The following CYFIP2 variants were observed in gnomAD, a reference collection of about 807,000 sequenced individuals.
CYFIP2 encodes cytoplasmic FMR1-interacting protein 2.
Under a neutral mutation model 158.7 loss-of-function variants are expected in CYFIP2, and 29 were observed. That is an observed-to-expected ratio of 0.18 (90% CI 0.14 to 0.25). The LOEUF (loss-of-function observed/expected upper bound fraction) is 0.25. CYFIP2 is among the 10% of genes least tolerant of loss of function. CYFIP2 has a pLI of 1.00. For missense variants in CYFIP2, 852 were observed against 1,639.5 expected, an observed-to-expected ratio of 0.52 and a Z score of 8.29; for synonymous variants, 585 against 617.6, an observed-to-expected ratio of 0.95 and a Z score of 0.78.
At chr5:157,286,994 A>G (rs768366793) in intron 2 of CYFIP2, 25 bp from the exon 3 acceptor site, 2 of 1,602,588 alleles carry the variant, frequency 1.2e-6, no homozygotes, top group South Asian at 1.1e-5. Context: ...AACAACCAAA[A>G]TGTTCCTGTC....
rs1222709074 is a variant in CYFIP2, at chr5:157,393,099, G to A, written c.*99G>A. On this transcript the variant is annotated 3_prime_UTR_variant, in exon 31 of 31. Coordinates refer to ENST00000620254, the MANE Select transcript of CYFIP2 (RefSeq NM_001037333.3). ...TAGGATCCAACTGGACAACGTGTGG[G>A]ATGGACCTGGAAACAAGCACCTCCC... The A allele has an allele frequency of 2.8e-6, 4 of 1,414,426 alleles. No individual in the cohort carries two copies. Among genetic ancestry groups the A allele is most frequent in the Middle Eastern group, 2.5e-4 (1 of 4,042 alleles). 87.6% of individuals were successfully genotyped at this position (1,414,426 alleles called of 1,614,324 possible).
At chr5:157,288,300 GT>G (rs1266481360) in intron 3 of CYFIP2, among the ~76,000 whole-genome samples, 2 of 152,260 alleles carry the variant, frequency 1.3e-5, no homozygotes, top group African/African-American at 4.8e-5. Flanking sequence ...TTTCATGGGG[GT>G]AGAGCCCTCA....
rs192368821 is a variant in CYFIP2 at position 157,355,395 on chromosome 5, C to T, written c.2674-3610C>T. On this transcript the variant is annotated intron_variant, in intron 23 of 30. Coordinates refer to ENST00000620254, the MANE Select transcript of CYFIP2 (RefSeq NM_001037333.3). The stretch of plus-strand genomic sequence containing the variant: ...TATTAATGGCTATTTTTTCAGTGAG[C>T]GTTTCCAGTGTGCCAGGCACCATGC... 1.2e-3 allele frequency among the ~76,000 whole-genome samples: 183 copies of T among 152,242 alleles called. 1 individual carries two copies. The highest frequency in any genetic ancestry group is 4.2e-3 in the African/African-American group (174 of 41,546).
chr5:157,384,996 CAG>C (rs202109393), intron 28 of CYFIP2: 2,401 of 158,104 alleles, frequency 0.015, 58 homozygotes, highest in African/African-American at 0.053. Context: ...TTTGACTCAC[CAG>C]AGAGAGAACT....
chr5:157,309,463 C>T (rs944840494), intron 9 of CYFIP2, among the ~76,000 whole-genome samples: 1 of 152,218 alleles, frequency 6.6e-6, no homozygotes, highest in African/African-American at 2.4e-5. Context: ...AGTCCTTGGC[C>T]TTCACACATG....
intron 15 of CYFIP2, chr5:157,322,900 G>A (rs1760720044): frequency 1.4e-6 from 2 of 1,479,760 alleles, no homozygotes; most frequent in South Asian, 2.4e-5. Context: ...TGTCTCTCCT[G>A]CCCTCCCATT....
chr5:157,368,048 A>G lies in CYFIP2; in HGVS notation c.3039+6450A>G, dbSNP rs1272189941. 3.9e-5 allele frequency among the ~76,000 whole-genome samples: 6 copies of G among 152,148 alleles called. No individual in the cohort carries two copies. In the East Asian group the frequency reaches 1.2e-3, roughly 29 times the overall value. On this transcript the variant is annotated intron_variant, in intron 26 of 30. Transcript: ENST00000620254. Reference sequence around the variant, plus strand: ...GCTGGGATTACAGGCATGAGCCACCATGCCCAGCCGACCTCTGTTCACATT... The same window carrying G: ...GCTGGGATTACAGGCATGAGCCACCGTGCCCAGCCGACCTCTGTTCACATT...
chr5:157,368,731 TGGTTCCACA>T (rs1764675312), intron 26 of CYFIP2, among the ~76,000 whole-genome samples: 3 of 77,852 alleles, frequency 3.9e-5, no homozygotes, highest in Admixed American at 2.5e-4. Context: ...TAAGAGTCAC[TGGTTCCACA>T]GACAAGACCA....
Position 157,320,750 on chromosome 5 carries a change from G to A in CYFIP2, c.1619G>A (p.Gly540Asp). Residue 540 changes from glycine to aspartate, a missense_variant, in exon 15 of 31, where the codon GGT (glycine) becomes GAT (aspartate). Gly to Asp is a moderately conservative substitution (Grantham distance 94). Around this residue, in one of 8 missense-constraint regions of CYFIP2, gnomAD observed 167 missense variants for 343.3 expected, o/e 0.49. Coordinates refer to ENST00000620254, the MANE Select transcript of CYFIP2 (RefSeq NM_001037333.3). ...PCLRGEKDPK[G>D]GFDIKVPRRA... is the part of the protein sequence containing the mutation. Reference sequence around the variant, plus strand: ...TTGAGAGGGGAGAAGGACCCCAAAGGTGGATTTGATATCAAGGTGCCCCGG... The same window carrying A: ...TTGAGAGGGGAGAAGGACCCCAAAGATGGATTTGATATCAAGGTGCCCCGG... The A allele has an allele frequency of 6.2e-7, 1 of 1,612,492 alleles. No individual in the cohort carries two copies. Among genetic ancestry groups the A allele is most frequent in the Non-Finnish European group, 8.5e-7 (1 of 1,179,242 alleles).
At chr5:157,323,785 T>A in intron 15 of CYFIP2, 136 bp from the exon 16 acceptor site, 1 of 1,090,358 alleles carries the variant, frequency 9.2e-7, no homozygotes, top group Non-Finnish European at 1.2e-6. Context: ...CTTAAACTGG[T>A]GCTTCCTTAG....
intron 26 of CYFIP2, chr5:157,364,511 AGAGG>A (rs1764183818): frequency 1.3e-5 from 2 of 152,280 alleles, no homozygotes; most frequent in African/African-American, 2.4e-5. Flanking sequence ...AGAACCAGAG[AGAGG>A]AGGAACTCAC....
At chr5:157,331,499 G>A (rs947155683) in intron 20 of CYFIP2, among the ~76,000 whole-genome samples, 2 of 151,702 alleles carry the variant, frequency 1.3e-5, no homozygotes, top group Non-Finnish European at 2.9e-5. Flanking sequence ...TGTGGTCCTG[G>A]TCTTTGTGAA....
Position 157,325,452 on chromosome 5 carries a change from A to C in CYFIP2, c.1826-30A>C, listed in dbSNP as rs1003506324. On this transcript the variant is annotated intron_variant, in intron 16 of 30. Transcript: ENST00000620254. ...ACTAAGGTCTTTTAGTTCTAAAAGTAACCAAAGGCTCGTTCCCTTATGCTT... is the reference window on the plus strand; with the variant it reads ...ACTAAGGTCTTTTAGTTCTAAAAGTCACCAAAGGCTCGTTCCCTTATGCTT... 6 of 1,569,618 alleles carry C rather than the reference A, an allele frequency of 3.8e-6. No homozygotes were observed. The African/African-American group carries it at 8.2e-5, about 22-fold the overall frequency.
intron 24 of CYFIP2, among the ~76,000 whole-genome samples, chr5:157,360,062 A>G (rs1015873490): frequency 4.6e-5 from 7 of 152,216 alleles, no homozygotes; most frequent in African/African-American, 1.7e-4. Flanking sequence ...GAAAGACCCT[A>G]CACCTAGAAA....
In CYFIP2 at chr5:157,315,012, A is replaced by G. The variant is rs1760024349; in HGVS notation, c.1274A>G (p.Lys425Arg). ...CATCCCACAGACAAGTTCTGCAACA[A>G]GGACTGTCCTGGCACCGCGGAGGAA... The part of the protein sequence containing the change: ...LVHPTDKFCN[K>R]DCPGTAEEYE... The change falls in exon 13 of 31, where the codon AAG becomes AGG. Residue 425 changes from lysine to arginine, a missense_variant. Lys to Arg is a conservative substitution (Grantham distance 26, BLOSUM62 2). Coordinates refer to ENST00000620254, the MANE Select transcript of CYFIP2 (RefSeq NM_001037333.3). 6.2e-7 allele frequency: 1 copy of G among 1,601,654 alleles called. No homozygotes were observed. Among genetic ancestry groups the G allele is most frequent in the Middle Eastern group, 1.7e-4 (1 of 6,058 alleles).
intron 30 of CYFIP2, 43 bp from the exon 31 acceptor site, chr5:157,392,790 C>T: frequency 1.9e-6 from 3 of 1,601,550 alleles, no homozygotes; most frequent in Non-Finnish European, 2.6e-6. Context: ...TTTCCACCCC[C>T]ACTTTGTCCT....
intron 23 of CYFIP2, among the ~76,000 whole-genome samples, chr5:157,346,471 A>G (rs1246695406): frequency 6.6e-6 from 1 of 152,196 alleles, no homozygotes; most frequent in Non-Finnish European, 1.5e-5. Flanking sequence ...AGAGAGACTC[A>G]AGGGGAAGAA....
Position 157,394,131 on chromosome 5 carries a change from TTCTC to T in CYFIP2, c.*1133_*1136del, listed in dbSNP as rs1200924350. 6.6e-6 allele frequency: 1 copy of T among 152,200 alleles called. No homozygotes were observed. The highest frequency in any genetic ancestry group is 1.5e-5 in the Non-Finnish European group (1 of 68,040). The allele number at this position is 152,200 out of a possible 1,614,324, so 9.4% of individuals were successfully genotyped here. ...TTTAGCTTTTACTCTCAACTTGCTG[TTCTC>T]TTTACATTCCTTAAGTTAGACTTTC... is the stretch of plus-strand genomic sequence containing the variant. On this transcript the variant is annotated 3_prime_UTR_variant, in exon 31 of 31. Coordinates refer to ENST00000620254, the MANE Select transcript of CYFIP2 (RefSeq NM_001037333.3).
intron 1 of CYFIP2, among the ~76,000 whole-genome samples, chr5:157,285,086 C>T (rs1418104323): frequency 6.6e-6 from 1 of 152,178 alleles, no homozygotes; most frequent in Non-Finnish European, 1.5e-5. Context: ...TAGGGTACCA[C>T]CTTCCATGTT....
Sources: allele counts gnomAD v4.1 joint callset (sites outside exome capture counted in the v4.1 genomes callset), GRCh38; gene constraint gnomAD v4.1.1; regional missense constraint gnomAD v4.1.1; transcripts MANE v1.5; gene names NCBI Gene and HGNC (gene_info 2026-07-23, HGNC 2026-07-21).